RAB27B: variants seen among roughly 807,000 people sequenced by gnomAD.
The protein encoded by RAB27B is ras-related protein Rab-27B.
RAB27B carries 15 observed loss-of-function variants against 24.6 expected under a neutral mutation model. That is an observed-to-expected ratio of 0.61 (90% CI 0.41 to 0.94). The LOEUF (loss-of-function observed/expected upper bound fraction) is 0.94. RAB27B is among the 40% of genes least tolerant of loss of function. The pLI, the probability that RAB27B is intolerant of heterozygous loss-of-function variation, is 0.00. For synonymous variants in RAB27B, 105 were observed against 92.5 expected (o/e 1.14, Z -0.78); for missense variants, 261 against 266.8 (o/e 0.98, Z 0.15).
At chr18:54,879,626 G>A in intron 3 of RAB27B, 172 bp downstream of exon 3, 1 of 601,472 alleles carries the variant, frequency 1.7e-6, no homozygotes, top group Non-Finnish European at 2.9e-6. Context: ...ATTAATCACA[G>A]TAGCACTGTG....
chr18:54,852,467 T>C (rs1459834962), intron 1 of RAB27B, among the ~76,000 whole-genome samples: 1 of 152,212 alleles, frequency 6.6e-6, no homozygotes. Flanking sequence ...ATTTGGAAAA[T>C]GGTTGAGAAC....
intron 2 of RAB27B, among the ~76,000 whole-genome samples, chr18:54,800,350 T>A (rs565222340): frequency 2.6e-5 from 4 of 152,242 alleles, no homozygotes; most frequent in Admixed American, 6.5e-5. Flanking sequence ...AGATGTAGAC[T>A]TGTTCATGAA....
intron 2 of RAB27B, among the ~76,000 whole-genome samples, chr18:54,776,055 A>T: frequency 6.6e-6 from 1 of 152,234 alleles, no homozygotes; most frequent in East Asian, 1.9e-4. Context: ...ATTCCTGTGT[A>T]TAAATCCTAT....
At chr18:54,774,193 A>G (rs1325354864) in intron 2 of RAB27B, among the ~76,000 whole-genome samples, 1 of 152,232 alleles carries the variant, frequency 6.6e-6, no homozygotes, top group Admixed American at 6.5e-5. Flanking sequence ...GAGACAAAAA[A>G]TCATGTATTA....
rs80227672 is a variant in RAB27B at position 54,770,732 on chromosome 18, CT to C, written c.-20+52601del. ...CTAGTCTCAGTTCTGTTTCTTTGATCTTTTTTTTTTCCTATTGCTATACCAC... is the reference window on the plus strand; with the variant it reads ...CTAGTCTCAGTTCTGTTTCTTTGATCTTTTTTTTTCCTATTGCTATACCAC... On this transcript the variant is annotated intron_variant, in intron 2 of 4. Coordinates refer to the RAB27B transcript ENST00000586570. 3.2e-4 allele frequency among the ~76,000 whole-genome samples: 48 copies of C among 149,542 alleles called. No homozygotes were observed. In the East Asian group the frequency reaches 3.5e-3, roughly 11 times the overall value.
intron 2 of RAB27B, among the ~76,000 whole-genome samples, chr18:54,797,466 A>T (rs1360856617): frequency 6.6e-6 from 1 of 152,204 alleles, no homozygotes; most frequent in African/African-American, 2.4e-5. Flanking sequence ...CAGTGAGCTG[A>T]GATTGCACCA....
chr18:54,836,583 A>G (rs917268098), intron 1 of RAB27B, among the ~76,000 whole-genome samples: 2 of 152,040 alleles, frequency 1.3e-5, no homozygotes, highest in Non-Finnish European at 2.9e-5. Context: ...AAAAGGAACA[A>G]TTAAAATTCA....
At position 54,893,967 on chromosome 18, in the gene RAB27B, A is replaced by G. The variant is rs886968751; in HGVS notation, c.*4554A>G. On this transcript the variant is annotated 3_prime_UTR_variant, in exon 6 of 6. Transcript: ENST00000262094. ...TTTATGCCCTCAGAACTAAACTAGT[A>G]AAAATATCTGAACAAAAAACCTTTC... 3 of 151,972 alleles carry G rather than the reference A, an allele frequency of 2.0e-5. No homozygotes were observed. The highest frequency in any genetic ancestry group is 7.2e-5 in the African/African-American group (3 of 41,418). The allele number at this position is 151,972 out of a possible 1,614,324, so 9.4% of individuals were successfully genotyped here.
intron 2 of RAB27B, among the ~76,000 whole-genome samples, chr18:54,789,123 G>A (rs1193600023): frequency 6.6e-6 from 1 of 152,168 alleles, no homozygotes; most frequent in Non-Finnish European, 1.5e-5. Flanking sequence ...CAACATTGCA[G>A]TTGAAGAAAT....
chr18:54,829,179 T>G (rs146891341), intron 1 of RAB27B, among the ~76,000 whole-genome samples: 45 of 152,126 alleles, frequency 3.0e-4, no homozygotes, highest in African/African-American at 1.1e-3. Flanking sequence ...ACCTTAAGAG[T>G]ACTTTCTGTT....
chr18:54,759,539 G>C (rs571049607), intron 2 of RAB27B, among the ~76,000 whole-genome samples: 6 of 152,302 alleles, frequency 3.9e-5, no homozygotes, highest in African/African-American at 7.2e-5. Context: ...CTGTGATACC[G>C]ACAGAAGGCA....
chr18:54,810,283 C>G (rs143253177), intron 2 of RAB27B, among the ~76,000 whole-genome samples: 1 of 151,920 alleles, frequency 6.6e-6, no homozygotes, highest in African/African-American at 2.4e-5. Context: ...TAAATTTGCT[C>G]GAATAAAAAT....
At chr18:54,723,964 A>G (rs1440429380) in intron 2 of RAB27B, among the ~76,000 whole-genome samples, 2 of 152,246 alleles carry the variant, frequency 1.3e-5, no homozygotes, top group Non-Finnish European at 2.9e-5. Flanking sequence ...AGACGAGACT[A>G]TAATCCAACT....
Position 54,884,417 on chromosome 18 carries a change from A to C in RAB27B, c.324A>C (p.Leu108Phe), listed in dbSNP as rs1369753377. 6.2e-7 allele frequency: 1 copy of C among 1,609,246 alleles called. No individual in the cohort carries two copies. Among genetic ancestry groups the C allele is most frequent in the Non-Finnish European group, 8.5e-7 (1 of 1,176,076 alleles). Reference protein sequence around the residue: ...MFDLTSQQSFLNVRNWMSQLQ... With the variant: ...MFDLTSQQSFFNVRNWMSQLQ... ...ACCTCACCAGTCAACAGAGCTTCTT[A>C]AATGTCAGAAACTGGATGAGTAAGT... The change falls in exon 4 of 6, where the codon TTA becomes TTC. Residue 108 changes from leucine to phenylalanine, a missense_variant. Physicochemically the swap from Leu to Phe is conservative, Grantham distance 22. Coordinates refer to ENST00000262094, the MANE Select transcript of RAB27B (RefSeq NM_004163.4).
rs1310633646 is a variant in RAB27B, at chr18:54,803,258, G to A, written c.-19-74309G>A. 2.6e-5 allele frequency among the ~76,000 whole-genome samples: 4 copies of A among 152,196 alleles called. No individual in the cohort carries two copies. The East Asian group carries it at 7.7e-4, about 29-fold the overall frequency. On this transcript the variant is annotated intron_variant, in intron 2 of 4. Transcript: ENST00000586570. ...AAGGCAGTAGGAAGTCCTCCTAAGA[G>A]ATGACTTTGAGCAGAATTGGGAGTT...
chr18:54,820,921 G>A (rs1910289669), intron 2 of RAB27B, among the ~76,000 whole-genome samples: 1 of 152,118 alleles, frequency 6.6e-6, no homozygotes, highest in South Asian at 2.1e-4. Context: ...AAGATCAGAT[G>A]GTTGTAGATA....
In RAB27B at chr18:54,867,442, C is replaced by CTTTTTTT. The variant is rs548288719; in HGVS notation, c.-19-10111_-19-10105dup. ...CTGATGCTTTCTTTTCTTTTCTTTT[C>CTTTTTTT]TTTTTTTTTTTTTTTTTTTTCTGAG... On this transcript the variant is annotated intron_variant, in intron 1 of 5. Transcript: ENST00000262094. Among the ~76,000 whole-genome samples the CTTTTTTT allele has an allele frequency of 1.4e-3, 134 of 98,776 alleles. 1 individual carries two copies. Among genetic ancestry groups the CTTTTTTT allele is most frequent in the South Asian group, 2.8e-3 (7 of 2,510 alleles). 64.8% of individuals were successfully genotyped at this position (98,776 alleles called of 152,430 possible). A position where few individuals can be genotyped will look rare whatever the true frequency, so the allele number is the denominator to read the frequency against.
chr18:54,866,284 C>T (rs1365767804), intron 1 of RAB27B, among the ~76,000 whole-genome samples: 1 of 147,724 alleles, frequency 6.8e-6, no homozygotes, highest in Non-Finnish European at 1.5e-5. Flanking sequence ...TCCCCGCCTC[C>T]CCGCCCCTGC....
At chr18:54,822,065 T>C (rs1910328268) in intron 2 of RAB27B, among the ~76,000 whole-genome samples, 1 of 152,226 alleles carries the variant, frequency 6.6e-6, no homozygotes, top group Non-Finnish European at 1.5e-5. Flanking sequence ...CTAGCTGTTA[T>C]TCTTTACAAC....
Sources: allele counts gnomAD v4.1 joint callset (sites outside exome capture counted in the v4.1 genomes callset), GRCh38; gene constraint gnomAD v4.1.1; transcripts MANE v1.5; gene names NCBI Gene and HGNC (gene_info 2026-07-23, HGNC 2026-07-21).